Variants in IGFBP4 observed in about 807,000 individuals in gnomAD.
IGFBP4 encodes the protein insulin-like growth factor-binding protein 4.
Under a neutral mutation model 25.8 loss-of-function variants are expected in IGFBP4, and 9 were observed. The ratio of observed to expected loss-of-function variants is 0.35; its 90% CI spans 0.21 to 0.61. The LOEUF (loss-of-function observed/expected upper bound fraction) is 0.61. Ranked by LOEUF, IGFBP4 falls within the 20% of genes least tolerant of loss-of-function variation. IGFBP4 has a pLI of 0.77. For synonymous variants in IGFBP4, 153 were observed against 153.9 expected (o/e 0.99, Z 0.05); for missense variants, 315 against 365.3 (o/e 0.86, Z 1.12).
At chr17:40,456,357 C>A in intron 3 of IGFBP4, 92 bp from the exon 4 acceptor site, 2 of 1,394,964 alleles carry the variant, frequency 1.4e-6, no homozygotes, top group Non-Finnish European at 2.0e-6. Flanking sequence ...GACCGTCTGA[C>A]TTGGGGGCTG....
intron 3 of IGFBP4, among the ~76,000 whole-genome samples, chr17:40,454,330 G>A (rs1407922885): frequency 6.6e-6 from 1 of 152,104 alleles, no homozygotes; most frequent in Non-Finnish European, 1.5e-5. Context: ...CCCTATCCAG[G>A]GCAATTTCCC....
intron 1 of IGFBP4, among the ~76,000 whole-genome samples, chr17:40,449,106 C>G (rs1484404680): frequency 6.6e-6 from 1 of 152,118 alleles, no homozygotes; most frequent in Non-Finnish European, 1.5e-5. Flanking sequence ...GGGAACCTAA[C>G]AAGGGAGAAG....
At chr17:40,444,149 A>C (rs1597672730) in intron 1 of IGFBP4, 65 bp downstream of exon 1, 5 of 1,280,264 alleles carry the variant, frequency 3.9e-6, no homozygotes, top group Non-Finnish European at 4.4e-6. Flanking sequence ...CTTCTTCCCC[A>C]TTCCAGCCGC....
Position 40,453,816 on chromosome 17 carries a change from TG to T in IGFBP4, c.508-108del. On this transcript the variant is annotated intron_variant, in intron 2 of 3. Coordinates refer to ENST00000269593, the MANE Select transcript of IGFBP4 (RefSeq NM_001552.3). The surrounding 1 kb of genome is among the most constrained non-coding windows in gnomAD (Gnocchi z 4.0). Reference sequence around the variant, plus strand: ...ACCTCACTGGGTCCTGCCCAGCCCCTGGGGCTCAGGCCTCCTTTCGGGGCCT... The same window carrying T: ...ACCTCACTGGGTCCTGCCCAGCCCCTGGGCTCAGGCCTCCTTTCGGGGCCT... 1 of 730,258 alleles carries T rather than the reference TG, an allele frequency of 1.4e-6. No individual in the cohort carries two copies. The allele number at this position is 730,258 out of a possible 1,614,324, so 45.2% of individuals were successfully genotyped here. A position where few individuals can be genotyped will look rare whatever the true frequency, so the allele number is the denominator to read the frequency against.
chr17:40,454,188 T>TG (rs1224577473), intron 3 of IGFBP4, 126 bp downstream of exon 3: 1 of 1,368,278 alleles, frequency 7.3e-7, no homozygotes, highest in East Asian at 2.6e-5. Context: ...CCCAACCCCT[T>TG]GGAGCCTCCC....
chr17:40,456,504 C>T lies in IGFBP4; in HGVS notation c.698C>T (p.Thr233Met), dbSNP rs563069739. ...RGKCWCVDRK[T>M]GVKLPGGLEP... ...AAGTGCTGGTGTGTGGACCGGAAGA[C>T]GGGGGTGAAGCTTCCGGGGGGCCTG... The change falls in exon 4 of 4, where the codon ACG becomes ATG. Residue 233 changes from threonine (T) to methionine (M), a missense_variant. Coordinates refer to ENST00000269593, the MANE Select transcript of IGFBP4 (RefSeq NM_001552.3). 6.2e-6 allele frequency: 10 copies of T among 1,613,722 alleles called. No homozygotes were observed. The highest frequency in any genetic ancestry group is 2.2e-5 in the East Asian group (1 of 44,852).
Position 40,453,991 on chromosome 17 carries a change from C to T in IGFBP4, c.571C>T (p.Arg191Cys), listed in dbSNP as rs779130338. The change falls in exon 3 of 4, where the codon CGC (arginine) becomes TGC (cysteine). Residue 191 changes from arginine (R) to cysteine (C), a missense_variant. Arg to Cys is a radical substitution (Grantham distance 180, BLOSUM62 -3). Coordinates refer to ENST00000269593, the MANE Select transcript of IGFBP4 (RefSeq NM_001552.3). The surrounding 1 kb of genome is among the most constrained non-coding windows in gnomAD (Gnocchi z 4.0). ...ALERLAASQS[R>C]THEDLYIIPI... Reference sequence around the variant, plus strand: ...GGAGCGGCTGGCCGCTTCACAGAGCCGCACCCACGAGGACCTCTACATCAT... The same window carrying T: ...GGAGCGGCTGGCCGCTTCACAGAGCTGCACCCACGAGGACCTCTACATCAT... 4.0e-5 allele frequency: 65 copies of T among 1,613,510 alleles called. No homozygotes were observed. The highest frequency in any genetic ancestry group is 6.7e-5 in the East Asian group (3 of 44,840).
Position 40,453,808 on chromosome 17 carries a change from C to T in IGFBP4, c.508-120C>T. The T allele has an allele frequency of 1.5e-6, 1 of 683,110 alleles. No homozygotes were observed. Among genetic ancestry groups the T allele is most frequent in the South Asian group, 2.0e-5 (1 of 49,716 alleles). The allele number at this position is 683,110 out of a possible 1,614,324, so 42.3% of individuals were successfully genotyped here. A position where few individuals can be genotyped will look rare whatever the true frequency, so the allele number is the denominator to read the frequency against. On this transcript the variant is annotated intron_variant, in intron 2 of 3. Coordinates refer to ENST00000269593, the MANE Select transcript of IGFBP4 (RefSeq NM_001552.3). The surrounding 1 kb of genome is among the most constrained non-coding windows in gnomAD (Gnocchi z 4.0). ...CTCTCTTCACCTCACTGGGTCCTGC[C>T]CAGCCCCTGGGGCTCAGGCCTCCTT... is the stretch of plus-strand genomic sequence containing the variant.
At chr17:40,446,965 C>A (rs1303479512) in intron 1 of IGFBP4, among the ~76,000 whole-genome samples, 1 of 152,252 alleles carries the variant, frequency 6.6e-6, no homozygotes, top group Non-Finnish European at 1.5e-5. Context: ...CGACCAAGCC[C>A]CTACCCACCC....
intron 1 of IGFBP4, among the ~76,000 whole-genome samples, chr17:40,450,452 C>T (rs1307363409): frequency 6.6e-6 from 1 of 152,158 alleles, no homozygotes; most frequent in Non-Finnish European, 1.5e-5. Flanking sequence ...CAGGGTGGGG[C>T]CTTTGTCCAC....
chr17:40,455,498 T>C (rs2035709232), intron 3 of IGFBP4, among the ~76,000 whole-genome samples: 2 of 152,172 alleles, frequency 1.3e-5, no homozygotes, highest in South Asian at 4.2e-4. Context: ...TTTTTTTTTT[T>C]TGAGACAGAG....
chr17:40,451,372 G>C (rs890502547), intron 1 of IGFBP4, among the ~76,000 whole-genome samples: 3 of 152,080 alleles, frequency 2.0e-5, no homozygotes, highest in Non-Finnish European at 4.4e-5. Context: ...GGTGTGGAAG[G>C]TTATTGATAA....
chr17:40,456,484 C>T lies in IGFBP4; in HGVS notation c.678C>T (p.Cys226=), dbSNP rs1269168227. ...HPALDGQRGK[C]WCVDRKTGVK... ...CTCTGGATGGGCAGCGTGGCAAGTG[C>T]TGGTGTGTGGACCGGAAGACGGGGG... Residue 226 remains cysteine, a synonymous_variant, in exon 4 of 4, where the codon TGC becomes TGT. Transcript: ENST00000269593. The T allele has an allele frequency of 1.2e-6, 2 of 1,613,952 alleles. No homozygotes were observed. The highest frequency in any genetic ancestry group is 1.7e-6 in the Non-Finnish European group (2 of 1,179,996).
At position 40,452,128 on chromosome 17, in the gene IGFBP4, A is replaced by C. The variant is rs10305299; in HGVS notation, c.350-857A>C. 1.2e-3 allele frequency among the ~76,000 whole-genome samples: 188 copies of C among 152,230 alleles called. No homozygotes were observed. The Middle Eastern group carries it at 0.014, about 11-fold the overall frequency. On this transcript the variant is annotated intron_variant, in intron 1 of 3. Coordinates refer to ENST00000269593, the MANE Select transcript of IGFBP4 (RefSeq NM_001552.3). ...GTTGGGATTACAGGCATGAGCCACA[A>C]TGCCCCATTTGGATGGAGTTTTTCT...
At chr17:40,450,518 A>AT (rs35661038) in intron 1 of IGFBP4, among the ~76,000 whole-genome samples, 4,423 of 149,152 alleles carry the variant, frequency 0.03, 85 homozygotes, top group Non-Finnish European at 0.044. Context: ...TAATTCTTGA[A>AT]TTTTTTTTTT....
In IGFBP4 at chr17:40,444,093, C is replaced by A. The variant is rs2035626599; in HGVS notation, c.349+9C>A. On this transcript the variant is annotated intron_variant, in intron 1 of 3. Coordinates refer to ENST00000269593, the MANE Select transcript of IGFBP4 (RefSeq NM_001552.3). ...AAGCCTGCAGCCCTCTGGTAAGGTACCCCTGGCCTCCCAATTCCCTCCTGA... is the reference window on the plus strand; with the variant it reads ...AAGCCTGCAGCCCTCTGGTAAGGTAACCCTGGCCTCCCAATTCCCTCCTGA... 2 of 1,526,594 alleles carry A rather than the reference C, an allele frequency of 1.3e-6. No individual in the cohort carries two copies. Among genetic ancestry groups the A allele is most frequent in the East Asian group, 2.5e-5 (1 of 40,804 alleles). The allele number at this position is 1,526,594 out of a possible 1,614,324, so 94.6% of individuals were successfully genotyped here. A position where few individuals can be genotyped will look rare whatever the true frequency, so the allele number is the denominator to read the frequency against.
chr17:40,456,940 T>C lies in IGFBP4; in HGVS notation c.*357T>C, dbSNP rs2035718656. 3.9e-6 allele frequency: 1 copy of C among 256,894 alleles called. No homozygotes were observed. Among genetic ancestry groups the C allele is most frequent in the South Asian group, 7.9e-5 (1 of 12,602 alleles). 15.9% of individuals were successfully genotyped at this position (256,894 alleles called of 1,614,324 possible). A position where few individuals can be genotyped will look rare whatever the true frequency, so the allele number is the denominator to read the frequency against. On this transcript the variant is annotated 3_prime_UTR_variant, in exon 4 of 4. Coordinates refer to ENST00000269593, the MANE Select transcript of IGFBP4 (RefSeq NM_001552.3). ...CATCCAGCCACCTAAAAACATTTAC[T>C]GACCATGTACTACGTGCCAGCTCTA...
intron 1 of IGFBP4, among the ~76,000 whole-genome samples, chr17:40,449,633 C>T (rs2035670897): frequency 6.6e-6 from 1 of 152,000 alleles, no homozygotes; most frequent in African/African-American, 2.4e-5. Flanking sequence ...CCTGTAGTCC[C>T]AGCTACTTGG....
rs1320396019 is a variant in IGFBP4 at position 40,456,962 on chromosome 17, T to C, written c.*379T>C. On this transcript the variant is annotated 3_prime_UTR_variant, in exon 4 of 4. Coordinates refer to ENST00000269593, the MANE Select transcript of IGFBP4 (RefSeq NM_001552.3). ...TACTGACCATGTACTACGTGCCAGCTCTAGTTTTCAGCCTTGGGAGGTTTT... is the reference window on the plus strand; with the variant it reads ...TACTGACCATGTACTACGTGCCAGCCCTAGTTTTCAGCCTTGGGAGGTTTT... The C allele has an allele frequency of 4.9e-6, 1 of 205,312 alleles. No homozygotes were observed. The highest frequency in any genetic ancestry group is 9.7e-6 in the Non-Finnish European group (1 of 102,782). The allele number at this position is 205,312 out of a possible 1,614,324, so 12.7% of individuals were successfully genotyped here.
Sources: allele counts gnomAD v4.1 joint callset (sites outside exome capture counted in the v4.1 genomes callset), GRCh38; gene constraint gnomAD v4.1.1; non-coding constraint Gnocchi (gnomAD v3.1); transcripts MANE v1.5; gene names NCBI Gene and HGNC (gene_info 2026-07-23, HGNC 2026-07-21).